ZNF664: variants seen among roughly 807,000 people sequenced by gnomAD.
ZNF664 encodes zinc finger Organ of Corti 1.
ZNF664 carries 10 observed loss-of-function variants against 18.2 expected under a neutral mutation model. That is an observed-to-expected ratio of 0.55 (90% CI 0.34 to 0.93). The LOEUF (loss-of-function observed/expected upper bound fraction) is 0.93. ZNF664 is among the 40% of genes least tolerant of loss of function. The pLI is 0.02. For synonymous variants in ZNF664, 119 were observed against 104.2 expected, an observed-to-expected ratio of 1.14 and a Z score of -0.86; for missense variants, 193 against 319.0, an observed-to-expected ratio of 0.61 and a Z score of 3.01.
intron 1 of ZNF664, chr12:123,973,642 G>A (rs1271441030): frequency 3.5e-6 from 2 of 576,316 alleles, no homozygotes; most frequent in Non-Finnish European, 2.3e-6. Context: ...CGGTGCGAGC[G>A]AGGGCTGGGC....
intron 2 of ZNF664, among the ~76,000 whole-genome samples, chr12:123,979,007 C>A (rs563217659): frequency 6.6e-6 from 1 of 151,998 alleles, no homozygotes; most frequent in South Asian, 2.1e-4. Context: ...AAGGAACTAA[C>A]TAAAAAAACC....
chr12:123,978,938 G>A (rs1618405), intron 2 of ZNF664, among the ~76,000 whole-genome samples: 149,135 of 152,308 alleles, frequency 0.98, 73,078 homozygotes, highest in Middle Eastern at 1. Context: ...ATAGGGATAA[G>A]TGGCTCTTTA....
intron 3 of ZNF664, among the ~76,000 whole-genome samples, chr12:124,002,834 A>G (rs1957029158): frequency 6.6e-6 from 1 of 151,144 alleles, no homozygotes; most frequent in African/African-American, 2.5e-5. Context: ...CAACATCTAA[A>G]GAGTATTTTA....
intron 1 of ZNF664, chr12:123,973,655 C>A: frequency 3.2e-6 from 2 of 625,116 alleles, no homozygotes; most frequent in East Asian, 6.2e-5. Context: ...GGCTGGGCAG[C>A]GGGCAGGGCG....
intron 2 of ZNF664, chr12:123,974,317 T>C (rs1956654145): frequency 9.2e-6 from 3 of 325,678 alleles, no homozygotes; most frequent in Non-Finnish European, 1.7e-5. Context: ...CGGGCTGTCT[T>C]ATTGCAACAA....
In ZNF664 at chr12:123,986,146, CTGTT is replaced by C. The variant is rs550608973; in HGVS notation, c.-756-1889_-756-1886del. On this transcript the variant is annotated intron_variant, in intron 2 of 4. Transcript: ENST00000337815. ...TGGAGGGGGTGGGCTTGCCCAGAAT[CTGTT>C]TGTTTGTGGCACTGAGGCACCTCCT... is the stretch of plus-strand genomic sequence containing the variant. Among the ~76,000 whole-genome samples, 368 of 152,206 alleles carry C rather than the reference CTGTT, an allele frequency of 2.4e-3. 1 individual carries two copies. The highest frequency in any genetic ancestry group is 3.5e-3 in the South Asian group (17 of 4,810).
At chr12:124,008,278 G>A (rs1028962936) in intron 3 of ZNF664, among the ~76,000 whole-genome samples, 2 of 152,152 alleles carry the variant, frequency 1.3e-5, no homozygotes, top group Non-Finnish European at 2.9e-5. Context: ...CCAGAGGCTT[G>A]ATTAGGTTTT....
chr12:123,981,840 A>G (rs1956768567), intron 2 of ZNF664, among the ~76,000 whole-genome samples: 2 of 152,268 alleles, frequency 1.3e-5, no homozygotes, highest in African/African-American at 4.8e-5. Flanking sequence ...ATTAAAATCA[A>G]TATTTCTACA....
At chr12:124,007,628 A>T (rs559073940) in intron 3 of ZNF664, among the ~76,000 whole-genome samples, 3 of 152,036 alleles carry the variant, frequency 2.0e-5, no homozygotes, top group Admixed American at 2.0e-4. Flanking sequence ...TTGCCCCTCT[A>T]TGCGGTGGTC....
chr12:124,013,718 A>G lies in ZNF664; in HGVS notation c.*788A>G, dbSNP rs1418925635. 1.2e-5 allele frequency: 2 copies of G among 167,136 alleles called. No individual in the cohort carries two copies. The highest frequency in any genetic ancestry group is 2.9e-5 in the Non-Finnish European group (2 of 68,140). The allele number at this position is 167,136 out of a possible 1,614,324, so 10.4% of individuals were successfully genotyped here. A position where few individuals can be genotyped will look rare whatever the true frequency, so the allele number is the denominator to read the frequency against. Reference sequence around the variant, plus strand: ...ATGTAAATAGCAGGGAGGAAGAAGCAAGCAAAGTGAGAGCTTTTCTTCATC... The same window carrying G: ...ATGTAAATAGCAGGGAGGAAGAAGCGAGCAAAGTGAGAGCTTTTCTTCATC... On this transcript the variant is annotated 3_prime_UTR_variant, in exon 5 of 5. Transcript: ENST00000337815.
chr12:123,996,888 C>G (rs890448045), intron 3 of ZNF664, among the ~76,000 whole-genome samples: 3 of 152,176 alleles, frequency 2.0e-5, no homozygotes, highest in Non-Finnish European at 4.4e-5. Flanking sequence ...TTCACTCTGG[C>G]TAGTCTAATT....
intron 3 of ZNF664, among the ~76,000 whole-genome samples, chr12:124,003,108 C>G (rs1039866360): frequency 1.3e-5 from 2 of 152,084 alleles, no homozygotes; most frequent in Non-Finnish European, 2.9e-5. Context: ...GGAAAGAAAC[C>G]CGCCTGCAGG....
At chr12:124,005,482 AATGTGTGTGTGTGTGTGTGTGTGT>A (rs996361294) in intron 3 of ZNF664, among the ~76,000 whole-genome samples, 53 of 91,952 alleles carry the variant, frequency 5.8e-4, no homozygotes, top group African/African-American at 2.6e-3. Flanking sequence ...TAATTTATAG[AATGTGTGTGTGTGTGTGTGTGTGT>A]GTGTGTGTGT....
chr12:123,992,725 A>G (rs146452295), intron 3 of ZNF664, among the ~76,000 whole-genome samples: 173 of 152,296 alleles, frequency 1.1e-3, no homozygotes, highest in East Asian at 3.7e-3. Flanking sequence ...AGGTCATTCT[A>G]CTTTTCAGAA....
chr12:124,000,375 C>T (rs1028656459), intron 3 of ZNF664, among the ~76,000 whole-genome samples: 2 of 152,218 alleles, frequency 1.3e-5, no homozygotes, highest in African/African-American at 4.8e-5. Context: ...TTCGCCTGTT[C>T]ATAGAGGCCC....
intron 3 of ZNF664, among the ~76,000 whole-genome samples, chr12:123,992,014 C>T (rs71458830): frequency 0.32 from 49,034 of 152,072 alleles, 8,082 homozygotes; most frequent in Middle Eastern, 0.37. Context: ...CATGCAAAGA[C>T]GAATTTCCGC....
intron 2 of ZNF664, among the ~76,000 whole-genome samples, chr12:123,986,692 G>A (rs1375959184): frequency 6.6e-6 from 1 of 152,186 alleles, no homozygotes; most frequent in African/African-American, 2.4e-5. Context: ...TCAGATGTCT[G>A]CACTTGGTCT....
chr12:124,011,734 G>T lies in ZNF664; in HGVS notation c.-411G>T, dbSNP rs1400043492. 9.7e-7 allele frequency: 1 copy of T among 1,032,212 alleles called. No homozygotes were observed. Among genetic ancestry groups the T allele is most frequent in the African/African-American group, 1.7e-5 (1 of 57,902 alleles). 63.9% of individuals were successfully genotyped at this position (1,032,212 alleles called of 1,614,324 possible). On this transcript the variant is annotated 5_prime_UTR_variant, in exon 5 of 5. Coordinates refer to ENST00000337815, the MANE Select transcript of ZNF664 (RefSeq NM_152437.3). ...CAGTATCTCATCCTTCGATACAGGGGATATACTGTACAGTCCTTTTTCTAG... is the reference window on the plus strand; with the variant it reads ...CAGTATCTCATCCTTCGATACAGGGTATATACTGTACAGTCCTTTTTCTAG...
chr12:124,000,149 A>G (rs1956994475), intron 3 of ZNF664, among the ~76,000 whole-genome samples: 1 of 152,126 alleles, frequency 6.6e-6, no homozygotes, highest in African/African-American at 2.4e-5. Flanking sequence ...CCTGGGCCAA[A>G]TCCATGCCCA....
Sources: gnomAD v4.1 joint callset for allele counts (sites outside exome capture counted in the v4.1 genomes callset) on GRCh38, gnomAD v4.1.1 for gene constraint, MANE v1.5 for transcripts, NCBI Gene and HGNC (gene_info 2026-07-23, HGNC 2026-07-21) for gene names.